Variants in AMOT observed in about 807,000 individuals in gnomAD.
AMOT encodes angiomotin.
A neutral mutation model predicts 67.0 loss-of-function variants in AMOT; 11 were observed. The ratio of observed to expected loss-of-function variants is 0.16; its 90% CI spans 0.10 to 0.27. The LOEUF (loss-of-function observed/expected upper bound fraction) is 0.27, where lower values mean the gene tolerates loss of function less well. Ranked by LOEUF, AMOT falls within the 10% of genes least tolerant of loss-of-function variation. AMOT has a pLI of 1.00. For synonymous variants in AMOT, 326 were observed against 321.4 expected, an observed-to-expected ratio of 1.01 and a Z score of -0.15; for missense variants, 753 against 852.0, an observed-to-expected ratio of 0.88 and a Z score of 1.45.
intron 2 of AMOT, among the ~76,000 whole-genome samples, chrX:112,830,172 A>G (rs1934952017): frequency 8.9e-6 from 1 of 112,016 alleles, no homozygotes; most frequent in Admixed American, 9.5e-5. Flanking sequence ...TGTTAACATT[A>G]TATTTCCTTT....
In AMOT at chrX:112,807,364, T is replaced by C. The variant is rs142301428; in HGVS notation, c.1631-2272A>G. 1.7e-3 allele frequency among the ~76,000 whole-genome samples: 189 copies of C among 109,823 alleles called. 2 individuals carry two copies. Among genetic ancestry groups the C allele is most frequent in the African/African-American group, 6.0e-3 (180 of 30,115 alleles). On this transcript the variant is annotated intron_variant, in intron 7 of 13. Coordinates refer to ENST00000371959, the MANE Select transcript of AMOT (RefSeq NM_001113490.2). Reference sequence around the variant, plus strand: ...TTTACCACAGTTGCCTTTTACCCCATACATCAGGTCTGCCATTTCACACAC... The same window carrying C: ...TTTACCACAGTTGCCTTTTACCCCACACATCAGGTCTGCCATTTCACACAC...
At chrX:112,794,051 C>T (rs1310918525) in intron 8 of AMOT, among the ~76,000 whole-genome samples, 3 of 111,985 alleles carry the variant, frequency 2.7e-5, no homozygotes, top group South Asian at 3.7e-4. Flanking sequence ...GCAATGTTAA[C>T]GCAGAGAATG....
At chrX:112,792,637 G>C (rs923071936) in intron 8 of AMOT, among the ~76,000 whole-genome samples, 1 of 111,889 alleles carries the variant, frequency 8.9e-6, no homozygotes, top group African/African-American at 3.2e-5. Context: ...AAAGCCTTTA[G>C]TCTCCACATC....
chrX:112,782,933 A>G (rs1268286609), intron 10 of AMOT, among the ~76,000 whole-genome samples: 1 of 111,637 alleles, frequency 9.0e-6, no homozygotes, highest in Non-Finnish European at 1.9e-5. Flanking sequence ...AACTGAACAG[A>G]TATCATCCCA....
chrX:112,791,306 T>C (rs752376048), intron 9 of AMOT, among the ~76,000 whole-genome samples: 11 of 110,938 alleles, frequency 9.9e-5, no homozygotes, highest in African/African-American at 3.6e-4. Flanking sequence ...GGAGAATTGC[T>C]TGAACATGGA....
Position 112,809,938 on chromosome X carries a change from C to T in AMOT, c.1586G>A (p.Gly529Glu), listed in dbSNP as rs947534363. The T allele has an allele frequency of 1.7e-6, 2 of 1,208,016 alleles. No homozygotes were observed. The highest frequency in any genetic ancestry group is 3.5e-5 in the African/African-American group (2 of 57,021). ...GATGGTTTTTCTGGTGTCCTCTGAC[C>T]CCTCATATTCCTTCTCTGCAAGCTG... ...NKQLAEKEYEGSEDTRKTISQ... is the reference protein window; with the variant it reads ...NKQLAEKEYEESEDTRKTISQ... Residue 529 changes from glycine (G) to glutamate (E), a missense_variant, in exon 7 of 14, where the codon GGG (glycine) becomes GAG (glutamate). Around this residue, in one of 5 missense-constraint regions of AMOT, gnomAD observed 297 missense variants for 284.3 expected, o/e 1.04. Transcript: ENST00000371959.
At chrX:112,802,328 A>C (rs1260575425) in intron 8 of AMOT, among the ~76,000 whole-genome samples, 1 of 112,482 alleles carries the variant, frequency 8.9e-6, no homozygotes, top group African/African-American at 3.2e-5. Flanking sequence ...GGATAAGCAA[A>C]AGGGATGTTT....
Position 112,822,538 on chromosome X carries a change from C to A in AMOT, c.589G>T (p.Ala197Ser). 1 of 1,167,595 alleles carries A rather than the reference C, an allele frequency of 8.6e-7. No individual in the cohort carries two copies. The highest frequency in any genetic ancestry group is 1.1e-6 in the Non-Finnish European group (1 of 873,040). The change falls in exon 4 of 14, where the codon GCT becomes TCT. Residue 197 changes from alanine to serine, a missense_variant. Transcript: ENST00000371959. ...GVKAHPPVTS[A>S]PLSPPQPNDL... ...TTGGGTTGTGGTGGGGAGAGGGGAGCACTGGTAACAGGTGGATGGGCCTTA... is the reference window on the plus strand; with the variant it reads ...TTGGGTTGTGGTGGGGAGAGGGGAGAACTGGTAACAGGTGGATGGGCCTTA...
intron 8 of AMOT, among the ~76,000 whole-genome samples, chrX:112,796,488 C>A (rs1479595037): frequency 8.9e-6 from 1 of 112,102 alleles, no homozygotes; most frequent in Non-Finnish European, 1.9e-5. Flanking sequence ...TAAGCCAAAT[C>A]CCTCTTGAAC....
chrX:112,792,832 C>A (rs1951949188), intron 8 of AMOT, among the ~76,000 whole-genome samples: 1 of 111,127 alleles, frequency 9.0e-6, no homozygotes, highest in African/African-American at 3.3e-5. Context: ...TCTTTGCAAG[C>A]CTATAAGCCA....
chrX:112,801,086 C>T (rs1456970007), intron 8 of AMOT, among the ~76,000 whole-genome samples: 1 of 111,405 alleles, frequency 9.0e-6, no homozygotes, highest in Non-Finnish European at 1.9e-5. Context: ...TCCCACCATC[C>T]CTGAAACAAT....
At chrX:112,836,403 T>C (rs1935131648) in intron 1 of AMOT, among the ~76,000 whole-genome samples, 1 of 112,137 alleles carries the variant, frequency 8.9e-6, no homozygotes, top group Non-Finnish European at 1.9e-5. Context: ...TAGCCTCTCC[T>C]GGCATTTGAG....
intron 13 of AMOT, 148 bp from the exon 14 acceptor site, chrX:112,778,812 C>T: frequency 2.9e-6 from 2 of 690,732 alleles, no homozygotes; most frequent in Non-Finnish European, 4.4e-6. Flanking sequence ...AAGATAATGG[C>T]CTCTACTCAT....
At chrX:112,834,677 G>C (rs978808470) in intron 1 of AMOT, among the ~76,000 whole-genome samples, 5 of 112,905 alleles carry the variant, frequency 4.4e-5, no homozygotes, top group Non-Finnish European at 9.4e-5. Context: ...CTGGGTTTCA[G>C]TTACTGGCTA....
chrX:112,792,553 A>G (rs1426439891), intron 8 of AMOT, among the ~76,000 whole-genome samples: 4 of 111,854 alleles, frequency 3.6e-5, no homozygotes, highest in Non-Finnish European at 5.6e-5. Flanking sequence ...CCTGGTAATC[A>G]CCCCATATAA....
At chrX:112,800,290 AAAAG>A (rs747826391) in intron 8 of AMOT, among the ~76,000 whole-genome samples, 3 of 112,131 alleles carry the variant, frequency 2.7e-5, no homozygotes, top group Non-Finnish European at 3.8e-5. Context: ...GAAAGAAAAG[AAAAG>A]AAAGAAAGAG....
intron 7 of AMOT, among the ~76,000 whole-genome samples, chrX:112,807,940 G>T (rs969623761): frequency 9.0e-6 from 1 of 111,683 alleles, no homozygotes; most frequent in Non-Finnish European, 1.9e-5. Flanking sequence ...AACTACAGGG[G>T]ACCATGACAC....
At chrX:112,818,636 A>T (rs1406193304) in intron 4 of AMOT, among the ~76,000 whole-genome samples, 1 of 111,849 alleles carries the variant, frequency 8.9e-6, no homozygotes, top group Non-Finnish European at 1.9e-5. Flanking sequence ...CGGAATGAAC[A>T]CTGGGGTGAA....
At chrX:112,830,633 C>T (rs1602840903) in intron 2 of AMOT, among the ~76,000 whole-genome samples, 2 of 112,194 alleles carry the variant, frequency 1.8e-5, no homozygotes, top group Middle Eastern at 9.2e-3. Flanking sequence ...CAGAGCAGGG[C>T]TCCTGGGAGG....
Sources: gnomAD v4.1 joint callset for allele counts (sites outside exome capture counted in the v4.1 genomes callset) on GRCh38, gnomAD v4.1.1 for gene constraint, gnomAD v4.1.1 regional missense constraint, MANE v1.5 for transcripts, NCBI Gene and HGNC (gene_info 2026-07-23, HGNC 2026-07-21) for gene names.